MCPH1: variants seen among roughly 807,000 people sequenced by gnomAD.
MCPH1 encodes the protein microcephalin.
A neutral mutation model predicts 84.5 loss-of-function variants in MCPH1; 104 were observed. The ratio of observed to expected loss-of-function variants is 1.23; its 90% confidence interval spans 1.05 to 1.45. The LOEUF (loss-of-function observed/expected upper bound fraction) is 1.45. Ranked by LOEUF, MCPH1 falls within the 40% of genes most tolerant of loss-of-function variation. The pLI, the probability that MCPH1 is intolerant of heterozygous loss-of-function variation, is 0.00. For synonymous variants in MCPH1, 514 were observed against 366.8 expected (o/e 1.40, Z -4.58); for missense variants, 1,498 against 1,005.7 (o/e 1.49, Z -6.62).
At chr8:6,640,616 CTCTG>C (rs1563228675) in intron 13 of MCPH1, among the ~76,000 whole-genome samples, 1 of 151,998 alleles carries the variant, frequency 6.6e-6, no homozygotes, top group South Asian at 2.1e-4. Context: ...TGTTATAAAA[CTCTG>C]TCTCTTTAGC....
At chr8:6,412,641 C>T (rs1044445605) in intron 2 of MCPH1, among the ~76,000 whole-genome samples, 34 of 152,252 alleles carry the variant, frequency 2.2e-4, no homozygotes, top group African/African-American at 8.2e-4. Context: ...CCCCTTGTCT[C>T]TTTGAGGCTT....
intron 12 of MCPH1, among the ~76,000 whole-genome samples, chr8:6,510,016 T>C (rs988794174): frequency 6.6e-6 from 1 of 152,162 alleles, no homozygotes; most frequent in Admixed American, 6.5e-5. Context: ...GCGTATCACC[T>C]TCACACCATC....
At chr8:6,479,101 C>CA (rs1348867885) in intron 10 of MCPH1, among the ~76,000 whole-genome samples, 7 of 151,890 alleles carry the variant, frequency 4.6e-5, no homozygotes, top group Non-Finnish European at 2.9e-5. Context: ...CTTGTGTCTA[C>CA]AAAAAAATGC....
At chr8:6,632,746 T>A (rs1047841944) in intron 13 of MCPH1, among the ~76,000 whole-genome samples, 2 of 151,882 alleles carry the variant, frequency 1.3e-5, no homozygotes, top group Admixed American at 1.3e-4. Flanking sequence ...GAGAAAGAGG[T>A]TGCAGTGAGC....
intron 12 of MCPH1, among the ~76,000 whole-genome samples, chr8:6,594,196 C>G (rs1358729806): frequency 2.6e-5 from 4 of 152,236 alleles, no homozygotes; most frequent in African/African-American, 9.6e-5. Context: ...GTGCCCAGGT[C>G]ATACCCAAAC....
At chr8:6,509,035 T>A in intron 12 of MCPH1, 2 of 1,614,146 alleles carry the variant, frequency 1.2e-6, no homozygotes, top group African/African-American at 2.7e-5. Context: ...TTTTGCCGGC[T>A]GTCCCTGTAA....
chr8:6,487,522 A>C (rs922923564), intron 11 of MCPH1, among the ~76,000 whole-genome samples: 7 of 152,210 alleles, frequency 4.6e-5, no homozygotes, highest in Admixed American at 4.6e-4. Context: ...GTCTGTTCAA[A>C]AGGGATCATC....
At chr8:6,514,084 C>A (rs1436896109) in intron 12 of MCPH1, among the ~76,000 whole-genome samples, 1 of 152,120 alleles carries the variant, frequency 6.6e-6, no homozygotes, top group African/African-American at 2.4e-5. Flanking sequence ...TGGGGAGCCA[C>A]CAGCAGAAGC....
intron 12 of MCPH1, among the ~76,000 whole-genome samples, chr8:6,529,596 A>T (rs1218247854): frequency 6.7e-6 from 1 of 149,662 alleles, no homozygotes; most frequent in Non-Finnish European, 1.5e-5. Context: ...AACTGGGTCT[A>T]TAAGTGCACA....
intron 5 of MCPH1, among the ~76,000 whole-genome samples, chr8:6,438,422 T>C (rs1802991574): frequency 6.6e-6 from 1 of 152,068 alleles, no homozygotes; most frequent in South Asian, 2.1e-4. Context: ...ATATGCAAGG[T>C]AGCATTCCAG....
intron 10 of MCPH1, among the ~76,000 whole-genome samples, chr8:6,479,402 CTATTTATTTATTTATTTATTTATT>C (rs149984870): frequency 2.6e-4 from 37 of 140,312 alleles, no homozygotes; most frequent in East Asian, 6.3e-4. Flanking sequence ...ATTTCTTTTT[CTATTTATTTATTTATTTATTTATT>C]TATTTATTTA....
intron 4 of MCPH1, among the ~76,000 whole-genome samples, chr8:6,435,707 C>G (rs1802542344): frequency 6.6e-6 from 1 of 152,066 alleles, no homozygotes; most frequent in Admixed American, 6.5e-5. Context: ...TTTTGATACA[C>G]AAAGTTGAAC....
At chr8:6,446,518 A>G (rs1355232689) in intron 8 of MCPH1, 7 of 984,362 alleles carry the variant, frequency 7.1e-6, no homozygotes, top group Admixed American at 1.2e-4. Flanking sequence ...TTGGCCTGCT[A>G]TTTATATCTT....
intron 11 of MCPH1, among the ~76,000 whole-genome samples, chr8:6,485,568 T>A (rs559715439): frequency 2.0e-5 from 3 of 151,834 alleles, no homozygotes; most frequent in African/African-American, 7.2e-5. Context: ...TAACTTTCTC[T>A]AAATTGCTCT....
Position 6,605,684 on chromosome 8 carries a change from A to G in MCPH1, c.2215-15770A>G, listed in dbSNP as rs1056295375. Among the ~76,000 whole-genome samples, 7 of 148,790 alleles carry G rather than the reference A, an allele frequency of 4.7e-5. No individual in the cohort carries two copies. The South Asian group carries it at 8.5e-4, about 18-fold the overall frequency. ...GTTTTGTTTTTAAGTTCTGTGAATC[A>G]CAGACATTATTTTTGTAATCTTTTT... is the stretch of plus-strand genomic sequence containing the variant. On this transcript the variant is annotated intron_variant, in intron 12 of 13. Transcript: ENST00000344683.
At chr8:6,641,578 T>C (rs1398501133) in intron 13 of MCPH1, among the ~76,000 whole-genome samples, 1 of 152,108 alleles carries the variant, frequency 6.6e-6, no homozygotes, top group Non-Finnish European at 1.5e-5. Context: ...ACATTGGCTC[T>C]ACAAAAAATC....
At chr8:6,438,711 A>G (rs1427648115) in intron 5 of MCPH1, among the ~76,000 whole-genome samples, 1 of 152,234 alleles carries the variant, frequency 6.6e-6, no homozygotes, top group Non-Finnish European at 1.5e-5. Flanking sequence ...GCACTAATGC[A>G]TATATTGTTC....
At chr8:6,574,068 T>C (rs1285481609) in intron 12 of MCPH1, among the ~76,000 whole-genome samples, 1 of 152,090 alleles carries the variant, frequency 6.6e-6, no homozygotes, top group Non-Finnish European at 1.5e-5. Context: ...CAAGAAAACA[T>C]AGTGCTATTA....
chr8:6,615,648 G>C (rs1830714647), intron 12 of MCPH1: 2 of 152,186 alleles, frequency 1.3e-5, no homozygotes, highest in South Asian at 2.1e-4. Context: ...TGTGTACACA[G>C]TACAGTTGAC....
Sources: gnomAD v4.1 joint callset for allele counts (sites outside exome capture counted in the v4.1 genomes callset) on GRCh38, gnomAD v4.1.1 for gene constraint, MANE v1.5 for transcripts, NCBI Gene and HGNC (gene_info 2026-07-23, HGNC 2026-07-21) for gene names.